Variants in PREX2 observed in about 807,000 individuals in gnomAD.
PREX2 encodes the protein phosphatidylinositol 3,4,5-trisphosphate-dependent Rac exchanger 2 protein.
In PREX2, 107 loss-of-function variants were observed where a neutral mutation model predicts 203.2. The ratio of observed to expected loss-of-function variants is 0.53; its 90% CI spans 0.45 to 0.62. PREX2 has a LOEUF of 0.62. PREX2 is among the 20% of genes least tolerant of loss of function. PREX2 has a pLI of 0.00. For missense variants in PREX2, 1,777 were observed against 1,955.9 expected, an observed-to-expected ratio of 0.91 and a Z score of 1.72; for synonymous variants, 672 against 663.6, an observed-to-expected ratio of 1.01 and a Z score of -0.19.
intron 23 of PREX2, among the ~76,000 whole-genome samples, chr8:68,107,186 A>T (rs1332924076): frequency 6.6e-6 from 1 of 152,160 alleles, no homozygotes; most frequent in Non-Finnish European, 1.5e-5. Context: ...TGATGATTTG[A>T]TAGAAATTGA....
chr8:68,216,939 C>CAACA (rs1490685499), intron 37 of PREX2, among the ~76,000 whole-genome samples: 1 of 130,384 alleles, frequency 7.7e-6, no homozygotes, highest in Non-Finnish European at 1.6e-5. Context: ...TCCAGCCTGG[C>CAACA]AACAGAGCAA....
chr8:67,968,144 A>G (rs111782016), intron 1 of PREX2, among the ~76,000 whole-genome samples: 7,137 of 151,564 alleles, frequency 0.047, 361 homozygotes, highest in African/African-American at 0.13. Context: ...TGATTGCCCT[A>G]TAGAAATGAC....
Position 68,208,456 on chromosome 8 carries a change from A to T in PREX2, c.4605-9160A>T, listed in dbSNP as rs1812682103. Among the ~76,000 whole-genome samples the T allele has an allele frequency of 3.3e-5, 5 of 152,194 alleles. No individual in the cohort carries two copies. In the South Asian group the frequency reaches 1.0e-3, roughly 32 times the overall value. ...GAAGGTTGAGGCCACTGAAAAAAAA[A>T]ATCATGGTACAGAAATTTGTAAGAA... On this transcript the variant is annotated intron_variant, in intron 37 of 39. Transcript: ENST00000288368.
At chr8:68,098,335 A>G (rs1333468986) in intron 22 of PREX2, among the ~76,000 whole-genome samples, 1 of 152,166 alleles carries the variant, frequency 6.6e-6, no homozygotes, top group Non-Finnish European at 1.5e-5. Flanking sequence ...TATTTTTAAA[A>G]TTTTAGTGGG....
intron 34 of PREX2, among the ~76,000 whole-genome samples, chr8:68,148,901 T>C (rs1032684728): frequency 1.3e-5 from 2 of 152,156 alleles, no homozygotes; most frequent in African/African-American, 4.8e-5. Flanking sequence ...TAGCTTAGTA[T>C]TCATAGATTG....
At chr8:68,093,206 C>T (rs1809937146) in intron 20 of PREX2, among the ~76,000 whole-genome samples, 1 of 151,874 alleles carries the variant, frequency 6.6e-6, no homozygotes, top group Non-Finnish European at 1.5e-5. Context: ...GCCTGACCAA[C>T]ATGGAGAAAC....
intron 1 of PREX2, among the ~76,000 whole-genome samples, chr8:67,953,685 G>GA (rs2129016327): frequency 6.6e-6 from 1 of 152,234 alleles, no homozygotes; most frequent in South Asian, 2.1e-4. Flanking sequence ...AAGAAGGAAA[G>GA]AAAAATGTCT....
chr8:68,183,315 T>G (rs1035124228), intron 35 of PREX2, among the ~76,000 whole-genome samples: 2 of 152,172 alleles, frequency 1.3e-5, no homozygotes, highest in Non-Finnish European at 2.9e-5. Flanking sequence ...TAAAAAGTTA[T>G]TCTTTGGTAT....
chr8:67,990,828 G>A (rs559807650), intron 1 of PREX2, among the ~76,000 whole-genome samples: 1 of 152,226 alleles, frequency 6.6e-6, no homozygotes, highest in South Asian at 2.1e-4. Flanking sequence ...TGGTTTTGAT[G>A]TGCCGCCAGG....
rs1489421380 is a variant in PREX2 at position 68,067,233 on chromosome 8, ATTG to A, written c.1340-1797_1340-1795del. On this transcript the variant is annotated intron_variant, in intron 11 of 39. Transcript: ENST00000288368. ...TTTGTGCTTCTACACAGATTTTAGG[ATTG>A]TTTTTTCTATTTCTGTGAAAAATGC... Among the ~76,000 whole-genome samples, 5 of 152,084 alleles carry A rather than the reference ATTG, an allele frequency of 3.3e-5. No homozygotes were observed. The South Asian group carries it at 6.2e-4, about 19-fold the overall frequency.
At chr8:68,165,458 CACGG>C (rs1329235640) in intron 35 of PREX2, among the ~76,000 whole-genome samples, 2 of 152,156 alleles carry the variant, frequency 1.3e-5, no homozygotes, top group South Asian at 2.1e-4. Flanking sequence ...TCGGTGTTTT[CACGG>C]ACGGGTTTTT....
At position 68,099,714 on chromosome 8, in the gene PREX2, T is replaced by C. The variant is rs1221423591; in HGVS notation, c.2586T>C (p.His862=). The change falls in exon 23 of 40, where the codon CAT becomes CAC. Residue 862 remains histidine (H), a synonymous_variant. Coordinates refer to ENST00000288368, the MANE Select transcript of PREX2 (RefSeq NM_024870.4). The stretch of plus-strand genomic sequence containing the variant: ...AAGCCCTGGCTAAAAGTGATGAGCA[T>C]TTTGTACAAAACTGTACCAGCCTAA... ...ILEALAKSDE[H]FVQNCTSLNS... is the part of the protein sequence containing the mutation. 2 of 1,613,896 alleles carry C rather than the reference T, an allele frequency of 1.2e-6. No individual in the cohort carries two copies. Among genetic ancestry groups the C allele is most frequent in the Non-Finnish European group, 1.7e-6 (2 of 1,179,910 alleles).
rs766318273 is a variant in PREX2 at position 68,080,576 on chromosome 8, G to C, written c.1776G>C (p.Lys592Asn). Residue 592 changes from lysine (K) to asparagine (N), a missense_variant, in exon 16 of 40, where the codon AAG (lysine) becomes AAC (asparagine). Transcript: ENST00000288368. ...AAGTTGTGGAAAATGTTATAGCTAA[G>C]TCATTATTGGTAAGTTTATTGATAT... is the stretch of plus-strand genomic sequence containing the variant. ...DLKVVENVIA[K>N]SLLIKSNEGS... is the part of the protein sequence containing the mutation. The C allele has an allele frequency of 1.2e-6, 2 of 1,600,016 alleles. No homozygotes were observed. Among genetic ancestry groups the C allele is most frequent in the Admixed American group, 3.4e-5 (2 of 58,882 alleles).
intron 39 of PREX2, among the ~76,000 whole-genome samples, chr8:68,225,656 C>T (rs531938891): frequency 6.6e-6 from 1 of 152,242 alleles, no homozygotes; most frequent in Admixed American, 6.5e-5. Context: ...CAAACTTTCC[C>T]CCTGAAAATG....
intron 1 of PREX2, among the ~76,000 whole-genome samples, chr8:67,957,540 A>G (rs1805525494): frequency 6.6e-6 from 1 of 152,128 alleles, no homozygotes; most frequent in Admixed American, 6.5e-5. Flanking sequence ...TAGAAAAAAC[A>G]TTTGTCTACA....
chr8:68,064,508 A>C (rs978600647), intron 11 of PREX2, among the ~76,000 whole-genome samples: 1 of 149,816 alleles, frequency 6.7e-6, no homozygotes, highest in African/African-American at 2.5e-5. Flanking sequence ...AGTTGGGACC[A>C]CAGGTGCACG....
chr8:68,107,974 A>G lies in PREX2; in HGVS notation c.2716-135A>G, dbSNP rs572220777. 1.6e-5 allele frequency: 10 copies of G among 615,100 alleles called. No individual in the cohort carries two copies. In the African/African-American group the frequency reaches 1.7e-4, roughly 10 times the overall value. The allele number at this position is 615,100 out of a possible 1,614,324, so 38.1% of individuals were successfully genotyped here. On this transcript the variant is annotated intron_variant, in intron 23 of 39. Transcript: ENST00000288368. ...ATCACAATGGAATTTCTAACAACAT[A>G]TAATTTATTTCACTCATTCCAGTTG...
chr8:68,187,673 G>T (rs1812215940), intron 35 of PREX2, among the ~76,000 whole-genome samples: 1 of 152,168 alleles, frequency 6.6e-6, no homozygotes, highest in African/African-American at 2.4e-5. Context: ...TTGAGAAAAG[G>T]CATGAAGACA....
chr8:68,183,200 A>T (rs533809127), intron 35 of PREX2, among the ~76,000 whole-genome samples: 4 of 152,130 alleles, frequency 2.6e-5, no homozygotes, highest in African/African-American at 9.7e-5. Context: ...TTAGAGATAG[A>T]TTGGAGTTAA....
Sources: gnomAD v4.1 joint callset for allele counts (sites outside exome capture counted in the v4.1 genomes callset) on GRCh38, gnomAD v4.1.1 for gene constraint, MANE v1.5 for transcripts, NCBI Gene and HGNC (gene_info 2026-07-23, HGNC 2026-07-21) for gene names.